Variants in MID2 observed in about 807,000 individuals in gnomAD.
MID2 encodes probable E3 ubiquitin-protein ligase MID2.
MID2 carries 13 observed loss-of-function variants against 46.1 expected under a neutral mutation model. That is an observed-to-expected ratio of 0.28 (90% CI 0.18 to 0.45). MID2 has a LOEUF of 0.45. MID2 is among the 20% of genes least tolerant of loss of function. The pLI is 1.00. For missense variants in MID2, 431 were observed against 575.4 expected, an observed-to-expected ratio of 0.75 and a Z score of 2.57; for synonymous variants, 199 against 212.3, an observed-to-expected ratio of 0.94 and a Z score of 0.55.
At chrX:107,833,158 T>C (rs894393071) in intron 1 of MID2, among the ~76,000 whole-genome samples, 1 of 111,516 alleles carries the variant, frequency 9.0e-6, no homozygotes. Context: ...GGAGCTAGTT[T>C]ACAATAATCC....
chrX:107,924,295 G>C (rs770824049), intron 7 of MID2, 48 bp from the exon 8 acceptor site: 1 of 1,128,805 alleles, frequency 8.9e-7, no homozygotes, highest in South Asian at 2.0e-5. Context: ...TTTTCATTCT[G>C]TCTCTCTTAC....
chrX:107,826,188 G>A lies in MID2; in HGVS notation c.-239G>A, dbSNP rs1051319911. The A allele has an allele frequency of 2.0e-5, 6 of 297,862 alleles. No homozygotes were observed. Among genetic ancestry groups the A allele is most frequent in the African/African-American group, 1.6e-4 (6 of 36,415 alleles). 24.5% of individuals were successfully genotyped at this position (297,862 alleles called of 1,213,427 possible). On this transcript the variant is annotated 5_prime_UTR_variant, in exon 1 of 10. Coordinates refer to ENST00000262843, the MANE Select transcript of MID2 (RefSeq NM_012216.4). ...CGGGAGGCCCAGCTGCGGTAGCATC[G>A]CGGCCGCCGTGCTGTCCCCTGCGGG...
At chrX:107,917,244 C>A (rs1932986850) in intron 6 of MID2, among the ~76,000 whole-genome samples, 1 of 111,645 alleles carries the variant, frequency 9.0e-6, no homozygotes, top group South Asian at 3.8e-4. Context: ...TTTATGCAGG[C>A]AGACTAGACA....
chrX:107,875,471 G>A (rs963012746), intron 3 of MID2, among the ~76,000 whole-genome samples: 2 of 111,710 alleles, frequency 1.8e-5, no homozygotes, highest in Admixed American at 9.5e-5. Context: ...AGGGGATATT[G>A]TTTCTGATTA....
chrX:107,872,575 C>A (rs1352988367), intron 3 of MID2, among the ~76,000 whole-genome samples: 1 of 112,055 alleles, frequency 8.9e-6, no homozygotes, highest in African/African-American at 3.2e-5. Flanking sequence ...GCTTCCCAGG[C>A]CTTTACTCGG....
chrX:107,832,547 G>A (rs150700426), intron 1 of MID2, among the ~76,000 whole-genome samples: 159 of 111,441 alleles, frequency 1.4e-3, no homozygotes, highest in African/African-American at 5.1e-3. Flanking sequence ...CCCGTGAGAT[G>A]GGCAGGGCAG....
chrX:107,841,210 T>G lies in MID2; in HGVS notation c.545T>G (p.Val182Gly). Residue 182 changes from valine (V) to glycine (G), a missense_variant, in exon 2 of 10, where the codon GTG becomes GGG. Transcript: ENST00000262843. Reference protein sequence around the residue: ...NKKPFTSHRLVEPVPDTHLRG... With the variant: ...NKKPFTSHRLGEPVPDTHLRG... Reference sequence around the variant, plus strand: ...AAACCTTTCACCAGCCACCGCCTGGTGGAACCAGTGCCAGACACACATCTT... The same window carrying G: ...AAACCTTTCACCAGCCACCGCCTGGGGGAACCAGTGCCAGACACACATCTT... The G allele has an allele frequency of 8.3e-7, 1 of 1,211,633 alleles. No individual in the cohort carries two copies.
intron 3 of MID2, among the ~76,000 whole-genome samples, chrX:107,897,195 A>G (rs1050038204): frequency 9.0e-6 from 1 of 111,357 alleles, no homozygotes; most frequent in Admixed American, 9.5e-5. Context: ...TACGATAGTT[A>G]TACTTCTAGA....
In MID2 at chrX:107,841,058, C is replaced by T. The variant is rs1931332370; in HGVS notation, c.393C>T (p.Ala131=). The T allele has an allele frequency of 8.3e-7, 1 of 1,209,588 alleles. No individual in the cohort carries two copies. Among genetic ancestry groups the T allele is most frequent in the Non-Finnish European group, 1.1e-6 (1 of 895,172 alleles). The part of the protein sequence containing the change: ...RRERTYRPTT[A]MSSERIACQF... Reference sequence around the variant, plus strand: ...AAAGGACTTACAGGCCCACCACTGCCATGTCTAGCGAGCGAATTGCTTGCC... The same window carrying T: ...AAAGGACTTACAGGCCCACCACTGCTATGTCTAGCGAGCGAATTGCTTGCC... The change falls in exon 2 of 10, where the codon GCC becomes GCT. Residue 131 remains alanine, a synonymous_variant. Coordinates refer to ENST00000262843, the MANE Select transcript of MID2 (RefSeq NM_012216.4).
Position 107,854,696 on chromosome X carries a change from C to A in MID2, c.808C>A (p.Gln270Lys). 8.3e-7 allele frequency: 1 copy of A among 1,199,641 alleles called. No homozygotes were observed. Among genetic ancestry groups the A allele is most frequent in the Middle Eastern group, 2.3e-4 (1 of 4,334 alleles). The change falls in exon 3 of 10, where the codon CAG becomes AAG. Residue 270 changes from glutamine to lysine, a missense_variant. By Grantham distance (53) the Gln-to-Lys change is moderately conservative (BLOSUM62 1). Coordinates refer to ENST00000262843, the MANE Select transcript of MID2 (RefSeq NM_012216.4). Reference protein sequence around the residue: ...QMAKLIQICQQVEVNTAMHEA... With the variant: ...QMAKLIQICQKVEVNTAMHEA... ...GGCCAAACTAATACAGATCTGCCAG[C>A]AGGTTGAGGTATGTAACAGAAACAT...
At chrX:107,850,651 A>T (rs971264002) in intron 2 of MID2, among the ~76,000 whole-genome samples, 1 of 112,275 alleles carries the variant, frequency 8.9e-6, no homozygotes, top group Non-Finnish European at 1.9e-5. Flanking sequence ...TGTTGTTAAC[A>T]TGTGCTGGCA....
Position 107,840,722 on chromosome X carries a change from A to G in MID2, c.57A>G (p.Leu19=), listed in dbSNP as rs750742158. Residue 19 remains leucine (L), a synonymous_variant, in exon 2 of 10, where the codon CTA becomes CTG. Coordinates refer to ENST00000262843, the MANE Select transcript of MID2 (RefSeq NM_012216.4). The part of the protein sequence containing the change: ...VLNASGGLFS[L]KMETLESELT... ...ATGCCTCAGGAGGACTATTTTCACT[A>G]AAGATGGAAACACTGGAGTCTGAAT... The G allele has an allele frequency of 3.2e-5, 39 of 1,209,866 alleles. No individual in the cohort carries two copies. The highest frequency in any genetic ancestry group is 4.6e-4 in the Middle Eastern group (2 of 4,372).
At chrX:107,878,408 C>G (rs920955866) in intron 3 of MID2, among the ~76,000 whole-genome samples, 6 of 112,267 alleles carry the variant, frequency 5.3e-5, no homozygotes, top group Non-Finnish European at 1.1e-4. Context: ...TAAGAACAAA[C>G]GGAAATCACA....
chrX:107,876,474 G>A (rs1439554653), intron 3 of MID2, among the ~76,000 whole-genome samples: 2 of 111,197 alleles, frequency 1.8e-5, no homozygotes, highest in African/African-American at 3.3e-5. Flanking sequence ...GGTCTGTCAC[G>A]GGTAGCTTCG....
At position 107,931,290 on chromosome X, in the gene MID2, A is replaced by G. The variant is rs755246091; in HGVS notation, c.*4217A>G. Among the ~76,000 whole-genome samples, 1 of 112,357 alleles carries G rather than the reference A, an allele frequency of 8.9e-6. No individual in the cohort carries two copies. Among genetic ancestry groups the G allele is most frequent in the South Asian group, 3.7e-4 (1 of 2,712 alleles). On this transcript the variant is annotated 3_prime_UTR_variant, in exon 10 of 10. Transcript: ENST00000262843. ...CACTTATTTCTAGCTCCTGAAGCCA[A>G]CTGCAGCCTTGGAGCCAATGGCTGT...
intron 1 of MID2, among the ~76,000 whole-genome samples, chrX:107,826,811 C>T (rs1267927934): frequency 8.8e-6 from 1 of 113,574 alleles, no homozygotes; most frequent in African/African-American, 3.2e-5. Flanking sequence ...TTCCCACGCT[C>T]CCGCAGCCGG....
intron 7 of MID2, among the ~76,000 whole-genome samples, chrX:107,923,782 T>C (rs932499425): frequency 8.9e-6 from 1 of 111,997 alleles, no homozygotes; most frequent in Non-Finnish European, 1.9e-5. Context: ...AACACTGGGC[T>C]ACCATTTTAA....
chrX:107,920,670 C>T (rs1933055565), intron 7 of MID2, among the ~76,000 whole-genome samples: 1 of 111,867 alleles, frequency 8.9e-6, no homozygotes. Context: ...AATCATAAGT[C>T]CCATCTTACT....
rs749351019 is a variant in MID2 at position 107,927,084 on chromosome X, A to G, written c.*11A>G. The G allele has an allele frequency of 8.5e-7, 1 of 1,180,079 alleles. No individual in the cohort carries two copies. The highest frequency in any genetic ancestry group is 3.0e-5 in the East Asian group (1 of 33,498). ...AAAACCTGTCATTAAGTTTCAGGAGAGTATATAATTCACTGGCTCTCTAGT... is the reference window on the plus strand; with the variant it reads ...AAAACCTGTCATTAAGTTTCAGGAGGGTATATAATTCACTGGCTCTCTAGT... On this transcript the variant is annotated 3_prime_UTR_variant, in exon 10 of 10. Coordinates refer to ENST00000262843, the MANE Select transcript of MID2 (RefSeq NM_012216.4).
Sources: gnomAD v4.1 joint callset for allele counts (sites outside exome capture counted in the v4.1 genomes callset) on GRCh38, gnomAD v4.1.1 for gene constraint, MANE v1.5 for transcripts, NCBI Gene and HGNC (gene_info 2026-07-23, HGNC 2026-07-21) for gene names.